The following GLDC variants were observed in gnomAD, a reference collection of about 807,000 sequenced individuals.
GLDC encodes glycine decarboxylase.
A neutral mutation model predicts 121.3 loss-of-function variants in GLDC; 104 were observed. The observed-to-expected ratio is 0.86, with a 90% CI of 0.73 to 1.01. GLDC has a LOEUF of 1.01. Ranked by LOEUF, GLDC falls within the 50% of genes least tolerant of loss-of-function variation. The pLI is 0.00. For synonymous variants in GLDC, 546 were observed against 480.6 expected (o/e 1.14, Z -1.78); for missense variants, 1,429 against 1,306.6 (o/e 1.09, Z -1.44).
At position 6,600,544 on chromosome 9, in the gene GLDC, C is replaced by G. The variant is rs1818584432; in HGVS notation, c.1155+1565G>C. ...TACAAAAATTATCTGGGTGTGGTGG[C>G]CTGTAATTCCAGCTCTTTAGGAGGC... is the stretch of plus-strand genomic sequence containing the variant. On this transcript the variant is annotated intron_variant, in intron 8 of 24. Coordinates refer to ENST00000321612, the MANE Select transcript of GLDC (RefSeq NM_000170.3). Among the ~76,000 whole-genome samples the G allele has an allele frequency of 2.6e-5, 4 of 152,130 alleles. No individual in the cohort carries two copies. In the South Asian group the frequency reaches 8.3e-4, roughly 32 times the overall value.
rs149451930 is a variant in GLDC, at chr9:6,585,450, A to C, written c.1850+1691T>G. On this transcript the variant is annotated intron_variant, in intron 15 of 24. Transcript: ENST00000321612. ...ATGAAGTTCTAAAGAAGGTATACTAAAGCTTGACTTTCATGCTATCAGCTC... is the reference window on the plus strand; with the variant it reads ...ATGAAGTTCTAAAGAAGGTATACTACAGCTTGACTTTCATGCTATCAGCTC... 2.0e-5 allele frequency among the ~76,000 whole-genome samples: 3 copies of C among 152,358 alleles called. No individual in the cohort carries two copies. The East Asian group carries it at 5.8e-4, about 29-fold the overall frequency.
In GLDC at chr9:6,589,255, C is replaced by T. The variant is rs766029500; in HGVS notation, c.1520G>A (p.Gly507Asp). The T allele has an allele frequency of 9.9e-6, 16 of 1,610,218 alleles. No homozygotes were observed. The highest frequency in any genetic ancestry group is 1.4e-5 in the Non-Finnish European group (16 of 1,176,426). ...CCTCTTGAACACAGACCCTGGAATACCTCTGCACTCCTCTCCCATGCTTTC... is the reference window on the plus strand; with the variant it reads ...CCTCTTGAACACAGACCCTGGAATATCTCTGCACTCCTCTCCCATGCTTTC... ...VAESMGEECR[G>D]IPGSVFKRTS... Residue 507 changes from glycine to aspartate, a missense_variant, in exon 12 of 25, where the codon GGT becomes GAT. Gly to Asp is a moderately conservative substitution (Grantham distance 94, BLOSUM62 -1). Coordinates refer to ENST00000321612, the MANE Select transcript of GLDC (RefSeq NM_000170.3).
chr9:6,595,786 G>A (rs912917732), intron 8 of GLDC, among the ~76,000 whole-genome samples: 1 of 152,066 alleles, frequency 6.6e-6, no homozygotes, highest in African/African-American at 2.4e-5. Context: ...CTATGATTGC[G>A]CCACTGGACT....
chr9:6,565,509 C>G (rs1404757878), intron 15 of GLDC, 80 bp from the exon 16 acceptor site: 13 of 1,066,116 alleles, frequency 1.2e-5, no homozygotes, highest in Non-Finnish European at 1.9e-5. Context: ...TGGGCCCTGG[C>G]CAGGGGTTCA....
chr9:6,601,339 C>G (rs115640347), intron 8 of GLDC, among the ~76,000 whole-genome samples: 3,756 of 152,232 alleles, frequency 0.025, 114 homozygotes, highest in African/African-American at 0.067. Flanking sequence ...TCAACTGCCA[C>G]CCATAACAAA....
intron 7 of GLDC, among the ~76,000 whole-genome samples, chr9:6,604,357 C>T (rs537171069): frequency 6.6e-6 from 1 of 152,124 alleles, no homozygotes; most frequent in African/African-American, 2.4e-5. Context: ...TACATGACTT[C>T]GATACATTGT....
At chr9:6,612,630 TGAG>T (rs1563861299) in intron 3 of GLDC, among the ~76,000 whole-genome samples, 1 of 151,922 alleles carries the variant, frequency 6.6e-6, no homozygotes, top group African/African-American at 2.4e-5. Context: ...GTTGGGAGGC[TGAG>T]GAGGCGGATC....
chr9:6,564,558 C>G (rs1015603045), intron 16 of GLDC, among the ~76,000 whole-genome samples: 1 of 152,212 alleles, frequency 6.6e-6, no homozygotes, highest in Non-Finnish European at 1.5e-5. Flanking sequence ...TCAGCAGATG[C>G]TTTTGCCCTG....
intron 21 of GLDC, among the ~76,000 whole-genome samples, chr9:6,546,970 T>A (rs1445926223): frequency 6.6e-6 from 1 of 151,632 alleles, no homozygotes; most frequent in Non-Finnish European, 1.5e-5. Flanking sequence ...TCAAAAATAA[T>A]AATAATAATA....
At chr9:6,562,594 C>T (rs1006253289) in intron 16 of GLDC, among the ~76,000 whole-genome samples, 1 of 152,128 alleles carries the variant, frequency 6.6e-6, no homozygotes. Context: ...GAGTCTTGCT[C>T]TGTTGCCCAG....
chr9:6,574,485 A>T (rs1474609518), intron 15 of GLDC, among the ~76,000 whole-genome samples: 1 of 151,952 alleles, frequency 6.6e-6, no homozygotes, highest in Non-Finnish European at 1.5e-5. Context: ...AAACAAAGAA[A>T]AGAAAAAAAA....
chr9:6,599,209 G>C (rs1818550705), intron 8 of GLDC, among the ~76,000 whole-genome samples: 1 of 151,258 alleles, frequency 6.6e-6, no homozygotes, highest in Admixed American at 6.6e-5. Flanking sequence ...GAAAGAAACA[G>C]GAACATAACT....
At chr9:6,541,458 A>C (rs1402778342) in intron 21 of GLDC, 1 of 152,218 alleles carries the variant, frequency 6.6e-6, no homozygotes, top group African/African-American at 2.4e-5. Flanking sequence ...CCTGTGAAGA[A>C]TAGCTCCAGT....
At chr9:6,547,551 A>G (rs888397067) in intron 21 of GLDC, among the ~76,000 whole-genome samples, 1 of 152,142 alleles carries the variant, frequency 6.6e-6, no homozygotes, top group East Asian at 1.9e-4. Flanking sequence ...TCTGGGAAAA[A>G]AATTGAAGCC....
At chr9:6,563,670 C>T (rs1356012900) in intron 16 of GLDC, among the ~76,000 whole-genome samples, 1 of 152,194 alleles carries the variant, frequency 6.6e-6, no homozygotes, top group Non-Finnish European at 1.5e-5. Flanking sequence ...CTAATCATTC[C>T]TTAGAAAGCT....
intron 14 of GLDC, among the ~76,000 whole-genome samples, chr9:6,587,750 G>A (rs1219423564): frequency 1.3e-5 from 2 of 152,124 alleles, no homozygotes; most frequent in Non-Finnish European, 2.9e-5. Context: ...GACTGCTTGA[G>A]GCCAGGAGTC....
At position 6,645,442 on chromosome 9, in the gene GLDC, G is replaced by A. The variant is rs1057017347; in HGVS notation, c.58C>T (p.Arg20Cys). Residue 20 changes from arginine to cysteine, a missense_variant, in exon 1 of 25, where the codon CGC becomes TGC. By Grantham distance (180) the Arg-to-Cys change is radical. Coordinates refer to ENST00000321612, the MANE Select transcript of GLDC (RefSeq NM_000170.3). ...GGCCCCGATCCCCCAGCCAGGCGGC[G>A]GCCGCCCCCGACCCCGCGGCCCAGG... ...LRLGRGVGGG[R>C]RLAGGSGPCW... 6 of 1,268,402 alleles carry A rather than the reference G, an allele frequency of 4.7e-6. No individual in the cohort carries two copies. The highest frequency in any genetic ancestry group is 4.9e-6 in the Non-Finnish European group (5 of 1,014,526). 78.6% of individuals were successfully genotyped at this position (1,268,402 alleles called of 1,614,324 possible).
intron 6 of GLDC, 47 bp downstream of exon 6, chr9:6,605,084 A>C (rs757138367): frequency 6.5e-7 from 1 of 1,531,602 alleles, no homozygotes; most frequent in Admixed American, 1.7e-5. Flanking sequence ...GACAGATACA[A>C]GTTGGGATAC....
At chr9:6,611,532 G>C (rs1194556479) in intron 3 of GLDC, among the ~76,000 whole-genome samples, 4 of 148,930 alleles carry the variant, frequency 2.7e-5, no homozygotes, top group African/African-American at 2.5e-5. Context: ...CTCCAGCCTG[G>C]GCAACAGAGC....
Sources: gnomAD v4.1 joint callset for allele counts (sites outside exome capture counted in the v4.1 genomes callset) on GRCh38, gnomAD v4.1.1 for gene constraint, MANE v1.5 for transcripts, NCBI Gene and HGNC (gene_info 2026-07-23, HGNC 2026-07-21) for gene names.